Variants in BABAM2 observed in about 807,000 individuals in gnomAD.
BABAM2 encodes the protein BRISC and BRCA1-A complex member 2.
BABAM2 carries 31 observed loss-of-function variants against 54.7 expected under a neutral mutation model. The ratio of observed to expected loss-of-function variants is 0.57; its 90% CI spans 0.43 to 0.77. BABAM2 has a LOEUF of 0.77. BABAM2 is among the 30% of genes least tolerant of loss of function. The pLI, the probability that BABAM2 is intolerant of heterozygous loss-of-function variation, is 0.00. For missense variants in BABAM2, 364 were observed against 455.8 expected, an observed-to-expected ratio of 0.80 and a Z score of 1.83; for synonymous variants, 167 against 162.9, an observed-to-expected ratio of 1.03 and a Z score of -0.19.
At chr2:28,197,338 G>A (rs1204971523) in intron 7 of BABAM2, among the ~76,000 whole-genome samples, 2 of 152,164 alleles carry the variant, frequency 1.3e-5, no homozygotes, top group African/African-American at 2.4e-5. Context: ...ATTTGTAAAT[G>A]TGCAGCTAAT....
At chr2:28,007,053 G>A (rs1342546330) in intron 4 of BABAM2, among the ~76,000 whole-genome samples, 1 of 151,490 alleles carries the variant, frequency 6.6e-6, no homozygotes, top group Non-Finnish European at 1.5e-5. Flanking sequence ...TTGATGGTTT[G>A]GAAGCATTTA....
chr2:28,073,602 A>T (rs1573524566), intron 6 of BABAM2, among the ~76,000 whole-genome samples: 1 of 152,232 alleles, frequency 6.6e-6, no homozygotes, highest in Admixed American at 6.5e-5. Flanking sequence ...AAAATTCATG[A>T]AATTCTACCC....
At chr2:28,086,528 T>G (rs1488617906) in intron 6 of BABAM2, among the ~76,000 whole-genome samples, 2 of 152,198 alleles carry the variant, frequency 1.3e-5, no homozygotes, top group Non-Finnish European at 2.9e-5. Flanking sequence ...AAAAGTTTTT[T>G]TGCGTCTAAC....
chr2:27,939,222 A>AT (rs1668705040), intron 3 of BABAM2, among the ~76,000 whole-genome samples: 1 of 152,218 alleles, frequency 6.6e-6, no homozygotes, highest in Non-Finnish European at 1.5e-5. Context: ...AAGTGCTAGG[A>AT]TTACAGGCAT....
chr2:28,113,561 T>A (rs1668332283), intron 6 of BABAM2, among the ~76,000 whole-genome samples: 1 of 152,192 alleles, frequency 6.6e-6, no homozygotes, highest in Non-Finnish European at 1.5e-5. Flanking sequence ...AGCCTGGTAG[T>A]GTAGTTTGAA....
chr2:28,051,801 A>C (rs1428289065), intron 6 of BABAM2, among the ~76,000 whole-genome samples: 1 of 151,944 alleles, frequency 6.6e-6, no homozygotes, highest in Non-Finnish European at 1.5e-5. Flanking sequence ...GGCTCCTGCC[A>C]CCAGGCCTGG....
chr2:27,971,180 G>A (rs77986038), intron 3 of BABAM2, among the ~76,000 whole-genome samples: 1,768 of 152,098 alleles, frequency 0.012, 41 homozygotes, highest in African/African-American at 0.04. Flanking sequence ...AAAACATTTT[G>A]CCCAGTGTTT....
intron 5 of BABAM2, among the ~76,000 whole-genome samples, chr2:28,045,455 CA>C (rs373414968): frequency 6.2e-4 from 95 of 152,102 alleles, no homozygotes; most frequent in African/African-American, 1.8e-3. Context: ...TTTTAAGAAA[CA>C]AAAAGGCAAT....
chr2:28,132,989 T>C (rs1670219833), intron 7 of BABAM2, among the ~76,000 whole-genome samples: 1 of 152,240 alleles, frequency 6.6e-6, no homozygotes, highest in African/African-American at 2.4e-5. Flanking sequence ...AAAGGTCTTA[T>C]ACTTTTCCTG....
At chr2:28,307,593 T>C (rs1688672953) in intron 11 of BABAM2, 1 of 152,162 alleles carries the variant, frequency 6.6e-6, no homozygotes, top group African/African-American at 2.4e-5. Flanking sequence ...TAATGCTTCC[T>C]GTATAAACAG....
rs564453279 is a variant in BABAM2, at chr2:27,911,069, G to A, written c.128+16385G>A. On this transcript the variant is annotated intron_variant, in intron 2 of 11. Transcript: ENST00000379624. Reference sequence around the variant, plus strand: ...CGGTACTTCTCCTTGCTGCCACCACGTGAAGAAGGATGTGTTTGTTTCCCC... The same window carrying A: ...CGGTACTTCTCCTTGCTGCCACCACATGAAGAAGGATGTGTTTGTTTCCCC... 7.9e-5 allele frequency among the ~76,000 whole-genome samples: 12 copies of A among 152,224 alleles called. No homozygotes were observed. In the South Asian group the frequency reaches 8.3e-4, roughly 11 times the overall value.
At chr2:28,143,600 A>G (rs1671247534) in intron 7 of BABAM2, among the ~76,000 whole-genome samples, 1 of 152,210 alleles carries the variant, frequency 6.6e-6, no homozygotes, top group Non-Finnish European at 1.5e-5. Flanking sequence ...CAAAAACATC[A>G]TGTTGTATAC....
chr2:28,156,265 A>G (rs1170132495), intron 7 of BABAM2, among the ~76,000 whole-genome samples: 1 of 152,194 alleles, frequency 6.6e-6, no homozygotes, highest in African/African-American at 2.4e-5. Context: ...GCACCCTTCT[A>G]CCAGACAGTT....
chr2:27,977,214 A>G (rs1441063335), intron 3 of BABAM2, among the ~76,000 whole-genome samples: 26 of 152,140 alleles, frequency 1.7e-4, no homozygotes, highest in Admixed American at 1.6e-3. Flanking sequence ...TCATATTATT[A>G]TTGGTTAGAC....
chr2:28,245,709 G>A (rs1222927338), intron 10 of BABAM2, among the ~76,000 whole-genome samples: 1 of 152,178 alleles, frequency 6.6e-6, no homozygotes, highest in Non-Finnish European at 1.5e-5. Flanking sequence ...TTAGAGAAAA[G>A]CAGTGGGTTT....
At chr2:28,012,216 G>A (rs1674450361) in intron 4 of BABAM2, among the ~76,000 whole-genome samples, 1 of 152,092 alleles carries the variant, frequency 6.6e-6, no homozygotes, top group South Asian at 2.1e-4. Context: ...CGAGCAACCT[G>A]GAAAATTTAA....
chr2:28,302,923 T>C (rs936319820), intron 11 of BABAM2, among the ~76,000 whole-genome samples: 1 of 152,252 alleles, frequency 6.6e-6, no homozygotes, highest in African/African-American at 2.4e-5. Flanking sequence ...TGTTAGTCTT[T>C]TTATTAATGA....
intron 10 of BABAM2, among the ~76,000 whole-genome samples, chr2:28,280,659 G>C (rs540640925): frequency 6.6e-6 from 1 of 152,100 alleles, no homozygotes; most frequent in Non-Finnish European, 1.5e-5. Flanking sequence ...CTCCTGATCC[G>C]TGCTGGTGCC....
In BABAM2 at chr2:28,282,766, G is replaced by A. The variant is rs990279359; in HGVS notation, c.935-15572G>A. On this transcript the variant is annotated intron_variant, in intron 10 of 11. Transcript: ENST00000379624. ...TGTAATCCCAGTATTTTGGGAGGCC[G>A]AGGTGGGCGAATCACGAGGTCAGGA... Among the ~76,000 whole-genome samples the A allele has an allele frequency of 2.6e-5, 4 of 152,082 alleles. No individual in the cohort carries two copies. The East Asian group carries it at 7.7e-4, about 29-fold the overall frequency.
Sources: allele counts gnomAD v4.1 joint callset (sites outside exome capture counted in the v4.1 genomes callset), GRCh38; gene constraint gnomAD v4.1.1; transcripts MANE v1.5; gene names NCBI Gene and HGNC (gene_info 2026-07-23, HGNC 2026-07-21).